KIF4A: variants seen among roughly 807,000 people sequenced by gnomAD.
KIF4A encodes chromosome-associated kinesin KIF4A.
In KIF4A, 7 loss-of-function variants were observed where a neutral mutation model predicts 105.9. The observed-to-expected ratio is 0.07, with a 90% CI of 0.04 to 0.12. The LOEUF is 0.12. Among genes scored for constraint, KIF4A ranks in the 10% least tolerant of loss-of-function variants. KIF4A has a pLI of 1.00. For synonymous variants in KIF4A, 281 were observed against 331.3 expected (o/e 0.85, Z 1.65); for missense variants, 558 against 929.2 (o/e 0.60, Z 5.19).
chrX:70,347,868 G>C (rs1171433172), intron 13 of KIF4A, among the ~76,000 whole-genome samples: 1 of 92,808 alleles, frequency 1.1e-5, no homozygotes, highest in Non-Finnish European at 2.1e-5. Flanking sequence ...CCAGCTACTC[G>C]GGAGGCTGAG....
chrX:70,377,364 ACCCAGC>A (rs934625255), intron 18 of KIF4A, among the ~76,000 whole-genome samples: 2 of 111,798 alleles, frequency 1.8e-5, no homozygotes, highest in African/African-American at 6.5e-5. Flanking sequence ...GAGCCACTGA[ACCCAGC>A]CCCTACTTTA....
At chrX:70,311,685 G>T (rs1176852602) in intron 7 of KIF4A, among the ~76,000 whole-genome samples, 1 of 111,419 alleles carries the variant, frequency 9.0e-6, no homozygotes, top group South Asian at 3.7e-4. Flanking sequence ...CCTAGGTCAG[G>T]TTCAGTGACT....
intron 7 of KIF4A, among the ~76,000 whole-genome samples, chrX:70,325,751 G>A: frequency 9.5e-6 from 1 of 105,575 alleles, no homozygotes; most frequent in Non-Finnish European, 1.9e-5. Flanking sequence ...CCTCCCCCTG[G>A]CCTGAGTCCC....
chrX:70,333,191 T>C (rs1054878375), intron 9 of KIF4A, among the ~76,000 whole-genome samples: 2 of 108,837 alleles, frequency 1.8e-5, no homozygotes, highest in African/African-American at 6.7e-5. Context: ...ATACAAAAAT[T>C]AGCTGGGTGT....
intron 22 of KIF4A, among the ~76,000 whole-genome samples, chrX:70,398,457 TAGG>T (rs2086268846): frequency 8.9e-6 from 1 of 112,036 alleles, no homozygotes; most frequent in Non-Finnish European, 1.9e-5. Flanking sequence ...TGAGTTTAGT[TAGG>T]AGAATTTTTT....
At chrX:70,405,927 T>C (rs2086298371) in intron 26 of KIF4A, 22 bp downstream of exon 26, 3 of 1,155,329 alleles carry the variant, frequency 2.6e-6, no homozygotes, top group Non-Finnish European at 3.5e-6. Context: ...TCCCACCCAC[T>C]TGATAAGCCC....
At chrX:70,298,263 C>T (rs760024273) in intron 4 of KIF4A, among the ~76,000 whole-genome samples, 1 of 111,027 alleles carries the variant, frequency 9.0e-6, no homozygotes, top group Admixed American at 9.5e-5. Flanking sequence ...GAAAGAGTCC[C>T]ACTCTCTCAC....
chrX:70,372,838 C>T (rs2086145856), intron 15 of KIF4A, among the ~76,000 whole-genome samples: 1 of 112,871 alleles, frequency 8.9e-6, no homozygotes, highest in Admixed American at 9.3e-5. Context: ...TTTGATCTTC[C>T]CAACAACCCT....
chrX:70,413,549 G>T (rs2086330884), intron 28 of KIF4A, among the ~76,000 whole-genome samples: 1 of 106,986 alleles, frequency 9.3e-6, no homozygotes, highest in African/African-American at 3.4e-5. Flanking sequence ...CACAAGAATT[G>T]CTTAAACCTG....
intron 18 of KIF4A, among the ~76,000 whole-genome samples, chrX:70,386,190 C>T (rs141085478): frequency 1.8e-5 from 2 of 110,297 alleles, no homozygotes; most frequent in East Asian, 5.7e-4. Context: ...TCTTTTTTGC[C>T]AGCCACCTGG....
intron 7 of KIF4A, among the ~76,000 whole-genome samples, chrX:70,304,673 G>GAA (rs2085819699): frequency 2.1e-4 from 2 of 9,564 alleles, no homozygotes; most frequent in African/African-American, 4.1e-4. Context: ...TTTTTTTTTT[G>GAA]AGAGAGAGAG....
chrX:70,351,219 C>T (rs903409089), intron 13 of KIF4A, among the ~76,000 whole-genome samples: 4 of 110,954 alleles, frequency 3.6e-5, no homozygotes, highest in South Asian at 3.8e-4. Flanking sequence ...CGGGTAGTAC[C>T]GAAGACTGGA....
intron 20 of KIF4A, among the ~76,000 whole-genome samples, chrX:70,388,271 A>G (rs1375072796): frequency 3.6e-5 from 4 of 111,684 alleles, no homozygotes; most frequent in Admixed American, 9.6e-5. Context: ...TTGTATGGCT[A>G]TACCATAATT....
intron 15 of KIF4A, among the ~76,000 whole-genome samples, chrX:70,358,323 ATTTTCTCTG>A (rs2086060460): frequency 9.1e-6 from 1 of 110,040 alleles, no homozygotes; most frequent in Admixed American, 9.7e-5. Context: ...CTATCTCTAC[ATTTTCTCTG>A]TTTTCTCTTT....
At chrX:70,371,937 G>A (rs1407506197) in intron 15 of KIF4A, among the ~76,000 whole-genome samples, 3 of 106,983 alleles carry the variant, frequency 2.8e-5, no homozygotes, top group South Asian at 4.4e-4. Context: ...CGGGGTGGCC[G>A]GGCAGAGACG....
At chrX:70,396,153 C>G (rs1380834699) in intron 22 of KIF4A, 104 bp downstream of exon 22, 1 of 555,218 alleles carries the variant, frequency 1.8e-6, no homozygotes, top group African/African-American at 2.3e-5. Flanking sequence ...TGGAAAAACA[C>G]GAGAAAATAA....
intron 13 of KIF4A, among the ~76,000 whole-genome samples, chrX:70,344,881 A>G (rs1052894990): frequency 1.8e-5 from 2 of 112,002 alleles, no homozygotes; most frequent in African/African-American, 3.3e-5. Flanking sequence ...ATGCCATGCA[A>G]TATTGTCAGG....
At chrX:70,416,841 T>C (rs1602820356) in intron 28 of KIF4A, among the ~76,000 whole-genome samples, 1 of 113,034 alleles carries the variant, frequency 8.8e-6, no homozygotes, top group East Asian at 2.8e-4. Flanking sequence ...GCCTACCTTG[T>C]AGACAAGTTA....
intron 15 of KIF4A, among the ~76,000 whole-genome samples, chrX:70,368,476 C>T (rs1454871863): frequency 8.9e-6 from 1 of 111,978 alleles, no homozygotes; most frequent in East Asian, 2.8e-4. Context: ...CAGTCAAGAC[C>T]CTTAGCTGCA....
Sources: gnomAD v4.1 joint callset for allele counts (sites outside exome capture counted in the v4.1 genomes callset) on GRCh38, gnomAD v4.1.1 for gene constraint, MANE v1.5 for transcripts, NCBI Gene and HGNC (gene_info 2026-07-23, HGNC 2026-07-21) for gene names.